Variants in RAB3IP observed in about 807,000 individuals in gnomAD.
The protein encoded by RAB3IP is RAB3A interacting protein, also known as rab-3A-interacting protein.
Under a neutral mutation model 59.1 loss-of-function variants are expected in RAB3IP, and 36 were observed. The ratio of observed to expected loss-of-function variants is 0.61; its 90% CI spans 0.47 to 0.80. The LOEUF is 0.80. Among genes scored for constraint, RAB3IP ranks in the 30% least tolerant of loss-of-function variants. The pLI, the probability that RAB3IP is intolerant of heterozygous loss-of-function variation, is 0.00. For missense variants in RAB3IP, 511 were observed against 536.0 expected (o/e 0.95, Z 0.46); for synonymous variants, 207 against 191.2 (o/e 1.08, Z -0.68).
Position 69,765,307 on chromosome 12 carries a change from A to G in RAB3IP, c.510+8644A>G, listed in dbSNP as rs148327579. 9.6e-4 allele frequency among the ~76,000 whole-genome samples: 146 copies of G among 152,120 alleles called. 2 individuals carry two copies. In the East Asian group the frequency reaches 0.025, roughly 26 times the overall value. On this transcript the variant is annotated intron_variant, in intron 3 of 10. Coordinates refer to ENST00000247833, the MANE Select transcript of RAB3IP (RefSeq NM_022456.5). The stretch of plus-strand genomic sequence containing the variant: ...GATGGCTCTTATTATTTTGAGGTAC[A>G]TTTCTTTGATGCCTAATTTCTTTAG...
chr12:69,810,690 G>A (rs1465931547), intron 8 of RAB3IP, among the ~76,000 whole-genome samples: 1 of 151,972 alleles, frequency 6.6e-6, no homozygotes, highest in African/African-American at 2.4e-5. Context: ...TTAGATTGGG[G>A]TGGGGGGATG....
intron 2 of RAB3IP, among the ~76,000 whole-genome samples, chr12:69,756,079 A>G (rs1447703169): frequency 1.3e-5 from 2 of 152,238 alleles, no homozygotes; most frequent in African/African-American, 4.8e-5. Flanking sequence ...TACTTGGCTC[A>G]TTGATACCTT....
rs1233208133 is a variant in RAB3IP, at chr12:69,816,411, T to A, written c.*965T>A. 6.6e-6 allele frequency: 1 copy of A among 152,232 alleles called. No homozygotes were observed. The highest frequency in any genetic ancestry group is 1.5e-5 in the Non-Finnish European group (1 of 68,042). The allele number at this position is 152,232 out of a possible 1,614,324, so 9.4% of individuals were successfully genotyped here. ...TATTTTTGGATAGTAGCCTTTCAGC[T>A]TTCAGATATTTTCTACTTACATATG... On this transcript the variant is annotated 3_prime_UTR_variant, in exon 11 of 11. Transcript: ENST00000247833.
chr12:69,803,728 A>G (rs1206712813), intron 8 of RAB3IP, among the ~76,000 whole-genome samples: 1 of 151,676 alleles, frequency 6.6e-6, no homozygotes, highest in Non-Finnish European at 1.5e-5. Flanking sequence ...GTTCCCACCT[A>G]TGAGTGAGAA....
intron 8 of RAB3IP, 107 bp from the exon 9 acceptor site, chr12:69,812,671 A>T (rs1880615880): frequency 1.4e-6 from 1 of 707,534 alleles, no homozygotes; most frequent in Non-Finnish European, 2.4e-6. Flanking sequence ...GGTACACAGT[A>T]GGTTCTCAAA....
At chr12:69,743,630 T>A (rs1255042626) in intron 1 of RAB3IP, among the ~76,000 whole-genome samples, 1 of 152,224 alleles carries the variant, frequency 6.6e-6, no homozygotes, top group African/African-American at 2.4e-5. Flanking sequence ...TTAGAGAGAT[T>A]AAATGACTTG....
chr12:69,798,163 C>T (rs11177858), intron 6 of RAB3IP, among the ~76,000 whole-genome samples: 47,203 of 152,036 alleles, frequency 0.31, 7,870 homozygotes, highest in Non-Finnish European at 0.37. Flanking sequence ...GTTCCTATTC[C>T]TCTACATCCT....
At chr12:69,808,746 T>G (rs970775894) in intron 8 of RAB3IP, among the ~76,000 whole-genome samples, 18 of 152,256 alleles carry the variant, frequency 1.2e-4, no homozygotes, top group Non-Finnish European at 1.8e-4. Flanking sequence ...GTTTTCCATT[T>G]GCTTGGTAGA....
chr12:69,800,651 C>CT (rs1355977611), intron 7 of RAB3IP, among the ~76,000 whole-genome samples: 4 of 152,194 alleles, frequency 2.6e-5, no homozygotes. Flanking sequence ...GGGAAGTTCT[C>CT]TACACACTCT....
chr12:69,752,984 T>G (rs947390194), intron 1 of RAB3IP, among the ~76,000 whole-genome samples: 3 of 152,222 alleles, frequency 2.0e-5, no homozygotes, highest in African/African-American at 7.2e-5. Flanking sequence ...CTTACATTCC[T>G]TATTAATCTC....
At chr12:69,782,702 T>C (rs1874942892) in intron 3 of RAB3IP, among the ~76,000 whole-genome samples, 1 of 152,250 alleles carries the variant, frequency 6.6e-6, no homozygotes, top group African/African-American at 2.4e-5. Context: ...AATTTGTGTC[T>C]TGTCTTCTCA....
At chr12:69,786,605 A>G (rs926676767) in intron 4 of RAB3IP, among the ~76,000 whole-genome samples, 5 of 152,190 alleles carry the variant, frequency 3.3e-5, no homozygotes, top group Admixed American at 3.3e-4. Context: ...ATTAGGTAAG[A>G]AAGCAAATAT....
intron 3 of RAB3IP, 123 bp downstream of exon 3, chr12:69,756,786 A>G: frequency 1.3e-6 from 1 of 790,178 alleles, no homozygotes; most frequent in South Asian, 1.9e-5. Flanking sequence ...ACATATGCCC[A>G]GCCTCAGCTC....
At chr12:69,769,177 T>A (rs1252501803) in intron 3 of RAB3IP, among the ~76,000 whole-genome samples, 5 of 152,196 alleles carry the variant, frequency 3.3e-5, no homozygotes, top group Non-Finnish European at 7.3e-5. Flanking sequence ...CCGTTAAACC[T>A]CTTTCTTTCA....
intron 3 of RAB3IP, among the ~76,000 whole-genome samples, chr12:69,783,390 G>T (rs1875075402): frequency 6.6e-6 from 1 of 151,978 alleles, no homozygotes; most frequent in Admixed American, 6.6e-5. Context: ...GTTTCCTTTG[G>T]AACTTTGCCA....
intron 6 of RAB3IP, 170 bp downstream of exon 6, chr12:69,795,514 A>G (rs1309997419): frequency 2.8e-5 from 17 of 612,958 alleles, no homozygotes; most frequent in Admixed American, 2.6e-4. Context: ...CTTCAGTTCC[A>G]TTTTCTACCT....
Position 69,821,294 on chromosome 12 carries a change from T to G in RAB3IP, c.*5848T>G, listed in dbSNP as rs1429128591. The G allele has an allele frequency of 6.6e-6, 1 of 152,212 alleles. No homozygotes were observed. The highest frequency in any genetic ancestry group is 2.4e-5 in the African/African-American group (1 of 41,454). The allele number at this position is 152,212 out of a possible 1,614,324, so 9.4% of individuals were successfully genotyped here. On this transcript the variant is annotated 3_prime_UTR_variant, in exon 11 of 11. Coordinates refer to ENST00000247833, the MANE Select transcript of RAB3IP (RefSeq NM_022456.5). ...AGATTACTATTCAAGAGAATGATTC[T>G]CTACCGAAACTCTGCAAAATGGGGA...
At chr12:69,814,376 G>A (rs1472576774) in intron 10 of RAB3IP, among the ~76,000 whole-genome samples, 1 of 152,116 alleles carries the variant, frequency 6.6e-6, no homozygotes, top group Admixed American at 6.5e-5. Context: ...CATTTAGTAT[G>A]TGTGTTTGTT....
chr12:69,804,720 C>T (rs1878965445), intron 8 of RAB3IP, among the ~76,000 whole-genome samples: 2 of 151,724 alleles, frequency 1.3e-5, no homozygotes, highest in Non-Finnish European at 3.0e-5. Context: ...ATATGGCTAG[C>T]CAGTTTTCCC....
Sources: allele counts gnomAD v4.1 joint callset (sites outside exome capture counted in the v4.1 genomes callset), GRCh38; gene constraint gnomAD v4.1.1; transcripts MANE v1.5; gene names NCBI Gene and HGNC (gene_info 2026-07-23, HGNC 2026-07-21).